Variants in KBTBD12 observed in about 807,000 individuals in gnomAD.
KBTBD12 encodes the protein kelch repeat and BTB domain containing 12, also known as kelch repeat and BTB domain-containing protein 12.
Under a neutral mutation model 58.7 loss-of-function variants are expected in KBTBD12, and 53 were observed. The ratio of observed to expected loss-of-function variants is 0.90; its 90% CI spans 0.72 to 1.14. The LOEUF is 1.14. Among genes scored for constraint, KBTBD12 ranks in the 50% most tolerant of loss-of-function variants. The pLI, the probability that KBTBD12 is intolerant of heterozygous loss-of-function variation, is 0.00. For synonymous variants in KBTBD12, 236 were observed against 259.8 expected, an observed-to-expected ratio of 0.91 and a Z score of 0.88; for missense variants, 704 against 751.3, an observed-to-expected ratio of 0.94 and a Z score of 0.74.
chr3:127,982,205 A>G (rs1329790057), intron 5 of KBTBD12, among the ~76,000 whole-genome samples: 4 of 152,246 alleles, frequency 2.6e-5, no homozygotes, highest in Non-Finnish European at 5.9e-5. Flanking sequence ...GGTATATTGT[A>G]AAGATTTTAA....
chr3:127,976,077 A>T (rs1031236443), intron 5 of KBTBD12, among the ~76,000 whole-genome samples: 7 of 152,256 alleles, frequency 4.6e-5, no homozygotes, highest in African/African-American at 1.7e-4. Flanking sequence ...AGACAGGTAC[A>T]TAATTTTGTT....
chr3:127,979,240 A>C (rs1940835866), intron 5 of KBTBD12, among the ~76,000 whole-genome samples: 1 of 152,250 alleles, frequency 6.6e-6, no homozygotes, highest in Non-Finnish European at 1.5e-5. Flanking sequence ...AAAATATCAG[A>C]TCATACAAGA....
At chr3:127,925,174 C>A (rs1576371655) in intron 2 of KBTBD12, among the ~76,000 whole-genome samples, 2 of 152,170 alleles carry the variant, frequency 1.3e-5, no homozygotes, top group African/African-American at 2.4e-5. Context: ...TGTCTAATCT[C>A]CCCTAGTAGG....
chr3:127,963,777 G>T (rs1412518425), intron 5 of KBTBD12: 3 of 158,070 alleles, frequency 1.9e-5, no homozygotes, highest in Non-Finnish European at 4.2e-5. Context: ...GAAGAGAAGA[G>T]AAATGGGAGA....
intron 4 of KBTBD12, among the ~76,000 whole-genome samples, chr3:127,953,175 A>T (rs1940244885): frequency 6.6e-6 from 1 of 152,216 alleles, no homozygotes; most frequent in Non-Finnish European, 1.5e-5. Context: ...TATAACAATC[A>T]TTATTGCTTA....
At chr3:127,940,090 C>G (rs1393993334) in intron 4 of KBTBD12, among the ~76,000 whole-genome samples, 2 of 152,012 alleles carry the variant, frequency 1.3e-5, no homozygotes, top group Non-Finnish European at 2.9e-5. Context: ...TACCTAACAA[C>G]AGAACCAAAT....
rs773705366 is a variant in KBTBD12 at position 127,923,824 on chromosome 3, A to C, written c.763A>C (p.Lys255Gln). 42 of 1,613,844 alleles carry C rather than the reference A, an allele frequency of 2.6e-5. No homozygotes were observed. Among genetic ancestry groups the C allele is most frequent in the Non-Finnish European group, 4.2e-6 (5 of 1,179,844 alleles). Residue 255 changes from lysine (K) to glutamine (Q), a missense_variant, in exon 2 of 6, where the codon AAA (lysine) becomes CAA (glutamine). Physicochemically the swap from Lys to Gln is moderately conservative, Grantham distance 53 (BLOSUM62 1). Transcript: ENST00000405109. ...DCVDIIQNAF[K>Q]AIKTPQQHSL... ...TGTTGACATAATTCAAAATGCATTC[A>C]AAGCCATCAAGACACCCCAACAGCA...
chr3:127,973,209 T>C (rs937278199), intron 5 of KBTBD12, among the ~76,000 whole-genome samples: 1 of 152,064 alleles, frequency 6.6e-6, no homozygotes, highest in African/African-American at 2.4e-5. Context: ...ACATTTTACC[T>C]CCAGTTTATA....
intron 4 of KBTBD12, among the ~76,000 whole-genome samples, chr3:127,962,500 G>A (rs1164050945): frequency 1.3e-5 from 2 of 152,050 alleles, no homozygotes; most frequent in South Asian, 2.1e-4. Context: ...TTGCAAACAC[G>A]GCCCTTTCCA....
chr3:127,940,175 C>G (rs1050010450), intron 4 of KBTBD12, among the ~76,000 whole-genome samples: 3 of 151,954 alleles, frequency 2.0e-5, no homozygotes, highest in African/African-American at 7.2e-5. Context: ...ATTTAACACT[C>G]CTCTCTCAAT....
In KBTBD12 at chr3:127,924,114, G is replaced by A. The variant is rs1576371109; in HGVS notation, c.1053G>A (p.Lys351=). Residue 351 remains lysine, a synonymous_variant, in exon 2 of 6, where the codon AAG becomes AAA. Coordinates refer to ENST00000405109, the MANE Select transcript of KBTBD12 (RefSeq NM_207335.4). The stretch of plus-strand genomic sequence containing the variant: ...CTAAACTCTCTAGACAAAAGAACAA[G>A]AATGTTGAAATTTATAGGTTTGTAT... ...SASKLSRQKN[K]NVEIYRYHDR... is the part of the protein sequence containing the mutation. 6.2e-7 allele frequency: 1 copy of A among 1,606,592 alleles called. No individual in the cohort carries two copies. Among genetic ancestry groups the A allele is most frequent in the African/African-American group, 1.3e-5 (1 of 74,684 alleles).
At chr3:127,935,144 G>A (rs1441984763) in intron 4 of KBTBD12, among the ~76,000 whole-genome samples, 1 of 152,046 alleles carries the variant, frequency 6.6e-6, no homozygotes, top group Non-Finnish European at 1.5e-5. Context: ...TGAAAATATA[G>A]AAAGTAAAAA....
intron 4 of KBTBD12, among the ~76,000 whole-genome samples, chr3:127,953,161 G>A (rs1028358578): frequency 1.2e-4 from 19 of 152,188 alleles, no homozygotes; most frequent in African/African-American, 4.6e-4. Flanking sequence ...CAATAGATGA[G>A]AGTTATAACA....
At chr3:127,936,675 G>T (rs1939837412) in intron 4 of KBTBD12, among the ~76,000 whole-genome samples, 1 of 152,146 alleles carries the variant, frequency 6.6e-6, no homozygotes, top group Non-Finnish European at 1.5e-5. Flanking sequence ...GTAAGCTTTA[G>T]TTTCCCAGGC....
chr3:127,923,343 G>A lies in KBTBD12; in HGVS notation c.282G>A (p.Leu94=). 6.2e-7 allele frequency: 1 copy of A among 1,613,780 alleles called. No individual in the cohort carries two copies. Among genetic ancestry groups the A allele is most frequent in the Admixed American group, 1.7e-5 (1 of 59,990 alleles). Residue 94 remains leucine (L), a synonymous_variant, in exon 2 of 6, where the codon TTG becomes TTA. Transcript: ENST00000405109. The stretch of plus-strand genomic sequence containing the variant: ...TAAATTACATGTACAATGCAGCTTT[G>A]GAGATCAATAATGCCAATGTACAGA... ...VLLNYMYNAA[L]EINNANVQTV... is the part of the protein sequence containing the mutation.
intron 5 of KBTBD12, 130 bp from the exon 6 acceptor site, chr3:127,983,967 A>G (rs1437793698): frequency 2.9e-6 from 2 of 691,692 alleles, no homozygotes; most frequent in East Asian, 5.1e-5. Flanking sequence ...AGTCCTGGGT[A>G]TTCTGTTAAC....
At chr3:127,919,358 G>A (rs1365200999) in intron 1 of KBTBD12, among the ~76,000 whole-genome samples, 1 of 152,204 alleles carries the variant, frequency 6.6e-6, no homozygotes. Context: ...AGCCTCCTGA[G>A]TAGCTGGGAT....
intron 5 of KBTBD12, among the ~76,000 whole-genome samples, chr3:127,983,650 G>A (rs1030102662): frequency 1.3e-5 from 2 of 152,140 alleles, no homozygotes; most frequent in African/African-American, 4.8e-5. Context: ...CTACTCAGGA[G>A]GGTGAGGCGG....
intron 4 of KBTBD12, among the ~76,000 whole-genome samples, chr3:127,944,908 G>T (rs1329488808): frequency 6.6e-6 from 1 of 151,076 alleles, no homozygotes; most frequent in Non-Finnish European, 1.5e-5. Flanking sequence ...TTGAGAGAGG[G>T]TCTTGCTCTG....
Sources: allele counts gnomAD v4.1 joint callset (sites outside exome capture counted in the v4.1 genomes callset), GRCh38; gene constraint gnomAD v4.1.1; transcripts MANE v1.5; gene names NCBI Gene and HGNC (gene_info 2026-07-23, HGNC 2026-07-21).